USP24: variants seen among roughly 807,000 people sequenced by gnomAD.
USP24 encodes ubiquitin carboxyl-terminal hydrolase 24.
In USP24, 97 loss-of-function variants were observed where a neutral mutation model predicts 361.6. The ratio of observed to expected loss-of-function variants is 0.27; its 90% confidence interval spans 0.23 to 0.32. The LOEUF is 0.32. USP24 is among the 10% of genes least tolerant of loss of function. USP24 has a pLI of 1.00. For synonymous variants in USP24, 1,098 were observed against 1,124.6 expected, an observed-to-expected ratio of 0.98 and a Z score of 0.47; for missense variants, 2,353 against 3,165.6, an observed-to-expected ratio of 0.74 and a Z score of 6.16.
rs556246898 is a variant in USP24 at position 55,083,251 on chromosome 1, G to C, written c.6975+21C>G. 4.4e-6 allele frequency: 7 copies of C among 1,609,180 alleles called. No homozygotes were observed. The South Asian group carries it at 7.7e-5, about 18-fold the overall frequency. On this transcript the variant is annotated intron_variant, in intron 58 of 67. Coordinates refer to ENST00000294383, the MANE Select transcript of USP24 (RefSeq NM_015306.3). ...ATGAAAACCATAGCTATTCCACTAG[G>C]GATATAAAAGTAGTCCTTACCTGAT...
intron 12 of USP24, among the ~76,000 whole-genome samples, chr1:55,155,111 T>C (rs1409681765): frequency 1.3e-5 from 2 of 152,152 alleles, no homozygotes; most frequent in Non-Finnish European, 2.9e-5. Context: ...TTAAACAGAT[T>C]GAATTATAAA....
intron 12 of USP24, among the ~76,000 whole-genome samples, chr1:55,155,849 C>CTT (rs1226538889): frequency 6.6e-6 from 1 of 152,192 alleles, no homozygotes; most frequent in African/African-American, 2.4e-5. Flanking sequence ...AGTAGCACCT[C>CTT]TTTGACAGTT....
chr1:55,167,283 T>C (rs1324928687), intron 5 of USP24, among the ~76,000 whole-genome samples: 1 of 152,136 alleles, frequency 6.6e-6, no homozygotes, highest in Non-Finnish European at 1.5e-5. Flanking sequence ...TCTGAAAACA[T>C]AATCTTTAAA....
chr1:55,180,595 A>C (rs1643937648), intron 1 of USP24, among the ~76,000 whole-genome samples: 1 of 152,222 alleles, frequency 6.6e-6, no homozygotes, highest in African/African-American at 2.4e-5. Flanking sequence ...GGGCACAATC[A>C]ATGGTTGCTT....
intron 38 of USP24, among the ~76,000 whole-genome samples, chr1:55,111,448 T>C (rs1473153104): frequency 1.3e-5 from 2 of 152,056 alleles, no homozygotes; most frequent in East Asian, 3.8e-4. Flanking sequence ...ATAAGCACAA[T>C]AGCTTTAACT....
At chr1:55,189,115 C>A (rs948771162) in intron 1 of USP24, among the ~76,000 whole-genome samples, 1 of 151,932 alleles carries the variant, frequency 6.6e-6, no homozygotes, top group South Asian at 2.1e-4. Flanking sequence ...TCAAAGGTTA[C>A]TAAGTTTCCA....
intron 1 of USP24, among the ~76,000 whole-genome samples, chr1:55,205,223 G>C (rs6671533): frequency 0.18 from 26,930 of 152,156 alleles, 2,493 homozygotes; most frequent in Non-Finnish European, 0.19. Flanking sequence ...CAGAACTTTT[G>C]AGAGTCTTCA....
chr1:55,073,606 G>A (rs993797818), intron 64 of USP24, among the ~76,000 whole-genome samples: 5 of 152,138 alleles, frequency 3.3e-5, no homozygotes, highest in Non-Finnish European at 7.3e-5. Flanking sequence ...AGGCCTGATG[G>A]GTGAGCTTTT....
chr1:55,082,669 C>T (rs1014858080), intron 58 of USP24, among the ~76,000 whole-genome samples: 19 of 151,966 alleles, frequency 1.3e-4, no homozygotes, highest in African/African-American at 4.4e-4. Context: ...GCCTATAGTC[C>T]CAGCTACCAG....
chr1:55,171,714 A>G (rs746196577), intron 4 of USP24, 36 bp from the exon 5 acceptor site: 2 of 1,576,236 alleles, frequency 1.3e-6, no homozygotes, highest in Non-Finnish European at 1.7e-6. Flanking sequence ...ATTATTATCT[A>G]TTTCTATAGC....
At position 55,096,980 on chromosome 1, in the gene USP24, G is replaced by T; in HGVS notation, c.5908C>A (p.His1970Asn). The change falls in exon 49 of 68, where the codon CAC becomes AAC. Residue 1970 changes from histidine (H) to asparagine (N), a missense_variant. Physicochemically the swap from His to Asn is moderately conservative, Grantham distance 68. This residue lies in a region of USP24 where 598 missense variants were observed against 761.9 expected (regional missense o/e 0.78). Coordinates refer to ENST00000294383, the MANE Select transcript of USP24 (RefSeq NM_015306.3). Reference sequence around the variant, plus strand: ...CTGTCCTTAATGAAGGAATAGTAGTGGCCTGCGTGTGCCTGCCCACTGTGT... The same window carrying T: ...CTGTCCTTAATGAAGGAATAGTAGTTGCCTGCGTGTGCCTGCCCACTGTGT... ...IVHSGQAHAG[H>N]YYSFIKDRRG... The T allele has an allele frequency of 6.2e-7, 1 of 1,613,826 alleles. No individual in the cohort carries two copies. Among genetic ancestry groups the T allele is most frequent in the Non-Finnish European group, 8.5e-7 (1 of 1,179,842 alleles).
chr1:55,118,398 T>C (rs2100585553), intron 38 of USP24, among the ~76,000 whole-genome samples: 1 of 152,312 alleles, frequency 6.6e-6, no homozygotes, highest in East Asian at 1.9e-4. Flanking sequence ...AACTGGATAT[T>C]CACATGGAGA....
rs184694370 is a variant in USP24, at chr1:55,192,921, T to C, written c.325-14789A>G. Among the ~76,000 whole-genome samples the C allele has an allele frequency of 3.0e-3, 462 of 152,356 alleles. 3 individuals are homozygous for C. Among genetic ancestry groups the C allele is most frequent in the African/African-American group, 0.011 (450 of 41,584 alleles). ...TATTCAACAAAAGCTGACTTTTGTA[T>C]GTGGTTCCCTGCATTAACCCTTCTT... On this transcript the variant is annotated intron_variant, in intron 1 of 67. Transcript: ENST00000294383.
At chr1:55,098,155 A>G (rs1167368811) in intron 46 of USP24, 71 bp from the exon 47 acceptor site, 1 of 1,439,782 alleles carries the variant, frequency 6.9e-7, no homozygotes, top group Admixed American at 2.9e-5. Flanking sequence ...CATAATACCT[A>G]AGCTTGAACA....
At chr1:55,077,330 T>TCAGTG (rs1209618389) in intron 61 of USP24, 30 bp from the exon 62 acceptor site, 2 of 1,532,636 alleles carry the variant, frequency 1.3e-6, no homozygotes, top group Admixed American at 3.9e-5. Flanking sequence ...CATAAAAACT[T>TCAGTG]CAGTGGAAAG....
intron 1 of USP24, among the ~76,000 whole-genome samples, chr1:55,191,978 G>A (rs1287463154): frequency 6.6e-6 from 1 of 152,048 alleles, no homozygotes; most frequent in Non-Finnish European, 1.5e-5. Flanking sequence ...TTGTACATAC[G>A]TTGCTATCCA....
chr1:55,114,110 A>G (rs971110176), intron 38 of USP24, among the ~76,000 whole-genome samples: 1 of 152,224 alleles, frequency 6.6e-6, no homozygotes, highest in Non-Finnish European at 1.5e-5. Context: ...TACACGAATA[A>G]TAGACAAATC....
chr1:55,100,305 T>C (rs188676991), intron 44 of USP24, among the ~76,000 whole-genome samples: 103 of 152,302 alleles, frequency 6.8e-4, no homozygotes, highest in South Asian at 5.2e-3. Context: ...AAGACTAGCC[T>C]GACCAACACG....
At chr1:55,160,028 G>C (rs1198393015) in intron 8 of USP24, among the ~76,000 whole-genome samples, 1 of 152,130 alleles carries the variant, frequency 6.6e-6, no homozygotes, top group Non-Finnish European at 1.5e-5. Context: ...TTTTAAAACT[G>C]AATATAAACA....
Sources: gnomAD v4.1 joint callset for allele counts (sites outside exome capture counted in the v4.1 genomes callset) on GRCh38, gnomAD v4.1.1 for gene constraint, gnomAD v4.1.1 regional missense constraint, MANE v1.5 for transcripts, NCBI Gene and HGNC (gene_info 2026-07-23, HGNC 2026-07-21) for gene names.